Variants in ADAMTS19 observed in about 807,000 individuals in gnomAD.
ADAMTS19 encodes ADAM metallopeptidase with thrombospondin type 1 motif 19, also known as A disintegrin and metalloproteinase with thrombospondin motifs 19.
Under a neutral mutation model 153.3 loss-of-function variants are expected in ADAMTS19, and 93 were observed. The ratio of observed to expected loss-of-function variants is 0.61; its 90% CI spans 0.51 to 0.72. The LOEUF is 0.72. Among genes scored for constraint, ADAMTS19 ranks in the 30% least tolerant of loss-of-function variants. The probability of loss-of-function intolerance (pLI) is 0.00; values close to 1 mark genes in which losing one functional copy is unlikely to be tolerated. For synonymous variants in ADAMTS19, 600 were observed against 556.6 expected (o/e 1.08, Z -1.10); for missense variants, 1,482 against 1,552.1 (o/e 0.95, Z 0.76).
chr5:129,712,131 T>C (rs141726564), intron 21 of ADAMTS19, among the ~76,000 whole-genome samples: 72 of 152,278 alleles, frequency 4.7e-4, no homozygotes, highest in African/African-American at 1.7e-3. Flanking sequence ...TCTGCAAATA[T>C]ACTGATGTTT....
chr5:129,584,135 T>C (rs1749667637), intron 7 of ADAMTS19, among the ~76,000 whole-genome samples: 1 of 152,146 alleles, frequency 6.6e-6, no homozygotes, highest in Admixed American at 6.5e-5. Context: ...TTAGTTTCCC[T>C]TCTAACAGTC....
chr5:129,679,829 A>G lies in ADAMTS19; in HGVS notation c.2572A>G (p.Asn858Asp). 1.9e-6 allele frequency: 3 copies of G among 1,614,016 alleles called. No individual in the cohort carries two copies. In the Middle Eastern group the frequency reaches 5.0e-4, roughly 266 times the overall value. ...GAAGATTGAACACTCTGGAGCCTTC[A>G]ATTTGGCTGGAACTACCGTTCATTA... ...DWKIEHSGAF[N>D]LAGTTVHYVR... is the part of the protein sequence containing the mutation. The change falls in exon 17 of 23, where the codon AAT (asparagine) becomes GAT (aspartate). Residue 858 changes from asparagine to aspartate, a missense_variant. By Grantham distance (23) the Asn-to-Asp change is conservative. This residue lies in a region of ADAMTS19 where 616 missense variants were observed against 724.4 expected (regional missense o/e 0.85). Transcript: ENST00000274487.
chr5:129,507,709 CGA>C (rs149286655), intron 2 of ADAMTS19, among the ~76,000 whole-genome samples: 4,876 of 131,326 alleles, frequency 0.037, 70 homozygotes, highest in South Asian at 0.072. Context: ...AGATCTAGAG[CGA>C]GAGAGAGAGA....
intron 10 of ADAMTS19, among the ~76,000 whole-genome samples, chr5:129,631,064 A>C (rs1250043034): frequency 1.3e-5 from 2 of 151,952 alleles, no homozygotes; most frequent in Non-Finnish European, 2.9e-5. Context: ...AAGTTTAAAG[A>C]ATTGAAAAAA....
intron 8 of ADAMTS19, among the ~76,000 whole-genome samples, chr5:129,612,043 T>C (rs1751249248): frequency 6.6e-6 from 1 of 151,984 alleles, no homozygotes; most frequent in African/African-American, 2.4e-5. Flanking sequence ...TACATATGTA[T>C]ACATGTGCCA....
chr5:129,647,549 G>A (rs1342012578), intron 11 of ADAMTS19, among the ~76,000 whole-genome samples: 2 of 152,030 alleles, frequency 1.3e-5, no homozygotes, highest in Admixed American at 6.5e-5. Flanking sequence ...AAATATCTGC[G>A]CACTGCTTTC....
chr5:129,578,438 A>G (rs1749310488), intron 7 of ADAMTS19, among the ~76,000 whole-genome samples: 1 of 150,492 alleles, frequency 6.6e-6, no homozygotes, highest in African/African-American at 2.4e-5. Context: ...ATATGCATGT[A>G]TATATACACA....
rs80158716 is a variant in ADAMTS19, at chr5:129,607,460, T to C, written c.1478+10796T>C. On this transcript the variant is annotated intron_variant, in intron 8 of 22. Transcript: ENST00000274487. ...AGTGAATAAACATTTGTTGTATGAA[T>C]GCTCATCTGTTGGTCATCTTGAGGT... Among the ~76,000 whole-genome samples, 35 of 152,316 alleles carry C rather than the reference T, an allele frequency of 2.3e-4. No individual in the cohort carries two copies. The East Asian group carries it at 3.9e-3, about 17-fold the overall frequency.
In ADAMTS19 at chr5:129,579,518, C is replaced by A. The variant is rs567275281; in HGVS notation, c.1373-17041C>A. Among the ~76,000 whole-genome samples, 12 of 152,252 alleles carry A rather than the reference C, an allele frequency of 7.9e-5. No individual in the cohort carries two copies. The South Asian group carries it at 1.2e-3, about 16-fold the overall frequency. ...TTAGTCATGAAGCCTTTGCCCATGC[C>A]TGTGTCCTGAATGGTATTACCTAGG... On this transcript the variant is annotated intron_variant, in intron 7 of 22. Transcript: ENST00000274487.
chr5:129,720,996 C>T (rs538381664), intron 21 of ADAMTS19, among the ~76,000 whole-genome samples: 4 of 152,308 alleles, frequency 2.6e-5, no homozygotes, highest in Non-Finnish European at 5.9e-5. Context: ...TCAAGTTGTA[C>T]TATGTATAAG....
In ADAMTS19 at chr5:129,735,096, A is replaced by G. The variant is rs1363448690; in HGVS notation, c.3477A>G (p.Thr1159=). The G allele has an allele frequency of 1.3e-6, 2 of 1,594,970 alleles. No individual in the cohort carries two copies. Among genetic ancestry groups the G allele is most frequent in the Admixed American group, 1.8e-5 (1 of 55,762 alleles). The change falls in exon 22 of 23, where the codon ACA becomes ACG. Residue 1159 remains threonine (T), a synonymous_variant. Transcript: ENST00000274487. ...CNEKINVNTI[T]SPRLAALTFK... ...AGAAAATTAATGTAAATACCATAAC[A>G]TCACCCAGACTGGGTAAGCAGACAA...
At chr5:129,491,606 T>C (rs1311152181) in intron 2 of ADAMTS19, among the ~76,000 whole-genome samples, 7 of 152,174 alleles carry the variant, frequency 4.6e-5, no homozygotes, top group Non-Finnish European at 8.8e-5. Context: ...TTATATATTG[T>C]ACATATTTTC....
At chr5:129,507,824 C>T (rs1561543521) in intron 2 of ADAMTS19, among the ~76,000 whole-genome samples, 1 of 151,532 alleles carries the variant, frequency 6.6e-6, no homozygotes, top group Non-Finnish European at 1.5e-5. Context: ...TGCTTATTCT[C>T]GTTCTTGATA....
chr5:129,651,880 A>G (rs765194023), intron 13 of ADAMTS19, among the ~76,000 whole-genome samples: 9 of 152,196 alleles, frequency 5.9e-5, no homozygotes, highest in Non-Finnish European at 1.2e-4. Context: ...AATCAATATG[A>G]CTGTTCACAT....
At chr5:129,608,110 G>GTATATATA (rs1368112273) in intron 8 of ADAMTS19, among the ~76,000 whole-genome samples, 2 of 36,242 alleles carry the variant, frequency 5.5e-5, no homozygotes, top group Non-Finnish European at 1.7e-4. Flanking sequence ...GTGTGTGTGT[G>GTATATATA]TGTGTGTATA....
intron 21 of ADAMTS19, among the ~76,000 whole-genome samples, chr5:129,708,126 G>T (rs66914714): frequency 0.055 from 8,378 of 152,090 alleles, 355 homozygotes; most frequent in African/African-American, 0.12. Flanking sequence ...CTTCTGAGGG[G>T]GAAAAACAGA....
rs756600412 is a variant in ADAMTS19 at position 129,737,069 on chromosome 5, G to T, written c.3493G>T (p.Ala1165Ser). 1.0e-5 allele frequency: 16 copies of T among 1,586,228 alleles called. No homozygotes were observed. Among genetic ancestry groups the T allele is most frequent in the Non-Finnish European group, 1.4e-5 (16 of 1,162,356 alleles). ...VNTITSPRLA[A>S]LTFKCLGDQW... ...ATTCACTATGTTCTGTTTCACAGCT[G>T]CTCTGACTTTCAAGTGCCTGGGAGA... is the stretch of plus-strand genomic sequence containing the variant. Residue 1165 changes from alanine to serine, a missense_variant and splice_region_variant, in exon 23 of 23, where the codon GCT becomes TCT. This residue lies in a region of ADAMTS19 where 616 missense variants were observed against 724.4 expected (regional missense o/e 0.85). Coordinates refer to ENST00000274487, the MANE Select transcript of ADAMTS19 (RefSeq NM_133638.6).
chr5:129,563,034 A>G (rs964133102), intron 7 of ADAMTS19, among the ~76,000 whole-genome samples: 11 of 152,170 alleles, frequency 7.2e-5, no homozygotes, highest in African/African-American at 2.7e-4. Flanking sequence ...ATACACTAAA[A>G]CATATTTAAA....
At chr5:129,523,094 T>G (rs1751884279) in intron 3 of ADAMTS19, among the ~76,000 whole-genome samples, 1 of 151,310 alleles carries the variant, frequency 6.6e-6, no homozygotes, top group Non-Finnish European at 1.5e-5. Context: ...ATAAATTAAT[T>G]CTGTAAAAAT....
Sources: allele counts gnomAD v4.1 joint callset (sites outside exome capture counted in the v4.1 genomes callset), GRCh38; gene constraint gnomAD v4.1.1; regional missense constraint gnomAD v4.1.1; transcripts MANE v1.5; gene names NCBI Gene and HGNC (gene_info 2026-07-23, HGNC 2026-07-21).